The following SNED1 variants were observed in gnomAD, a reference collection of about 807,000 sequenced individuals.
The protein encoded by SNED1 is sushi, nidogen and EGF-like domain-containing protein 1.
Under a neutral mutation model 166.7 loss-of-function variants are expected in SNED1, and 81 were observed. That is an observed-to-expected ratio of 0.49 (90% CI 0.41 to 0.58). SNED1 has a LOEUF of 0.58. SNED1 is among the 20% of genes least tolerant of loss of function. SNED1 has a pLI of 0.00. For missense variants in SNED1, 1,604 were observed against 2,000.2 expected (o/e 0.80, Z 3.78); for synonymous variants, 762 against 822.0 (o/e 0.93, Z 1.25).
Position 241,071,889 on chromosome 2 carries a change from G to A in SNED1, c.3817+11G>A, listed in dbSNP as rs920075317. ...CCACCGTGAGATCACGTGAGTGCCA[G>A]GGCCTCCCCACCCACCTTGGTGGCC... On this transcript the variant is annotated intron_variant, in intron 26 of 31. Coordinates refer to ENST00000310397, the MANE Select transcript of SNED1 (RefSeq NM_001080437.3). 1.9e-6 allele frequency: 3 copies of A among 1,590,572 alleles called. No individual in the cohort carries two copies. In the African/African-American group the frequency reaches 4.0e-5, roughly 21 times the overall value.
chr2:241,033,577 A>G (rs2061252883), intron 2 of SNED1, 158 bp from the exon 3 acceptor site: 6 of 786,862 alleles, frequency 7.6e-6, no homozygotes, highest in Middle Eastern at 3.3e-4. Context: ...TGAGGCCACC[A>G]AGGTCCTGCC....
chr2:241,088,691 A>G (rs974229529), intron 31 of SNED1: 33 of 440,922 alleles, frequency 7.5e-5, no homozygotes, highest in Admixed American at 4.4e-4. Context: ...TGTGGCCAAG[A>G]AACCCCTAGA....
chr2:241,049,753 G>C (rs2061771730), intron 11 of SNED1, 64 bp from the exon 12 acceptor site: 1 of 1,304,708 alleles, frequency 7.7e-7, no homozygotes. Flanking sequence ...GTGCCCGCCA[G>C]CCTCTTGCCG....
At chr2:241,088,195 A>G (rs1363228616) in intron 30 of SNED1, 170 bp from the exon 31 acceptor site, 2 of 606,814 alleles carry the variant, frequency 3.3e-6, no homozygotes, top group Non-Finnish European at 6.0e-6. Flanking sequence ...GGGCGCACAC[A>G]AACTAAAATG....
intron 26 of SNED1, chr2:241,072,115 C>T (rs965411290): frequency 3.6e-5 from 25 of 698,144 alleles, no homozygotes; most frequent in East Asian, 1.9e-4. Flanking sequence ...GGGCTGGAGG[C>T]GCAGGCTGCT....
intron 1 of SNED1, among the ~76,000 whole-genome samples, chr2:241,003,823 G>T (rs1461378039): frequency 6.6e-6 from 1 of 152,264 alleles, no homozygotes; most frequent in Non-Finnish European, 1.5e-5. Flanking sequence ...ACACTTCTGT[G>T]TGTGATGGGC....
rs2062984401 is a variant in SNED1, at chr2:241,075,629, C to T, written c.3916+2265C>T. On this transcript the variant is annotated intron_variant, in intron 27 of 31. Coordinates refer to ENST00000310397, the MANE Select transcript of SNED1 (RefSeq NM_001080437.3). The surrounding 1 kb of genome is among the most constrained non-coding windows in gnomAD (Gnocchi z 4.8). ...GATCCTTTGTCAGGTCTGTGTTCTG[C>T]AGGTATCTTCCTCCAGCCTCTGGCT... 1 of 151,884 alleles carries T rather than the reference C, an allele frequency of 6.6e-6. No individual in the cohort carries two copies. Among genetic ancestry groups the T allele is most frequent in the Admixed American group, 6.6e-5 (1 of 15,252 alleles). The allele number at this position is 151,884 out of a possible 1,614,324, so 9.4% of individuals were successfully genotyped here.
At chr2:241,009,831 T>C (rs1481563931) in intron 1 of SNED1, among the ~76,000 whole-genome samples, 4 of 152,006 alleles carry the variant, frequency 2.6e-5, no homozygotes, top group Non-Finnish European at 4.4e-5. Context: ...CCCATGTGTG[T>C]TTCCCCGGAG....
chr2:241,017,813 G>T (rs549871151), intron 1 of SNED1, among the ~76,000 whole-genome samples: 9 of 152,214 alleles, frequency 5.9e-5, no homozygotes, highest in African/African-American at 1.9e-4. Context: ...AGCCCCGTAG[G>T]TCTAATTTGA....
intron 16 of SNED1, among the ~76,000 whole-genome samples, chr2:241,059,923 G>T (rs1395351731): frequency 6.6e-6 from 1 of 151,966 alleles, no homozygotes; most frequent in African/African-American, 2.4e-5. Context: ...GACAAGAAAA[G>T]GAAATAAAAG....
At chr2:241,085,860 CTTTTTTTTTTTT>C (rs772995766) in intron 29 of SNED1, among the ~76,000 whole-genome samples, 905 of 79,224 alleles carry the variant, frequency 0.011, 22 homozygotes, top group African/African-American at 0.041. Flanking sequence ...TCTGCGGTTT[CTTTTTTTTTTTT>C]TTTTTTTTTT....
rs1301819798 is a variant in SNED1, at chr2:241,070,195, A to G, written c.3583A>G (p.Ile1195Val). Residue 1195 changes from isoleucine to valine, a missense_variant, in exon 24 of 32, where the codon ATC becomes GTC. By Grantham distance (29) the Ile-to-Val change is conservative (BLOSUM62 3). Around this residue, in one of 2 missense-constraint regions of SNED1, gnomAD observed 367 missense variants for 379.4 expected, o/e 0.97. Coordinates refer to ENST00000310397, the MANE Select transcript of SNED1 (RefSeq NM_001080437.3). ...QHSEPAHLYI[I>V]TSPRDGADRR... The stretch of plus-strand genomic sequence containing the variant: ...CAGCGAGCCCGCCCACCTCTACATC[A>G]TCACCTGTGAGTGCCGTGGGCCCTG... 2 of 1,604,456 alleles carry G rather than the reference A, an allele frequency of 1.2e-6. No homozygotes were observed. Among genetic ancestry groups the G allele is most frequent in the Admixed American group, 1.7e-5 (1 of 59,664 alleles).
chr2:241,029,101 A>G (rs1393698469), intron 1 of SNED1, among the ~76,000 whole-genome samples: 4 of 152,188 alleles, frequency 2.6e-5, no homozygotes, highest in African/African-American at 9.6e-5. Flanking sequence ...TTCTAAAAGC[A>G]TGGTTCTGGT....
At chr2:241,086,798 C>G (rs1181100153) in intron 29 of SNED1, among the ~76,000 whole-genome samples, 1 of 152,222 alleles carries the variant, frequency 6.6e-6, no homozygotes, top group Non-Finnish European at 1.5e-5. Flanking sequence ...TAACAAAAGA[C>G]AAAACGCCTT....
At chr2:241,079,874 T>G (rs1351615927) in intron 27 of SNED1, among the ~76,000 whole-genome samples, 1 of 152,210 alleles carries the variant, frequency 6.6e-6, no homozygotes, top group Non-Finnish European at 1.5e-5. Flanking sequence ...TAGTAATACC[T>G]GAATTGTTAT....
At chr2:241,082,425 T>A in intron 29 of SNED1, 61 bp downstream of exon 29, 2 of 1,349,668 alleles carry the variant, frequency 1.5e-6, no homozygotes, top group Non-Finnish European at 2.1e-6. Flanking sequence ...CTCCTCAAAG[T>A]GCTGTCTCAA....
rs1362134752 is a variant in SNED1, at chr2:241,073,447, C to G, written c.3916+83C>G. On this transcript the variant is annotated intron_variant, in intron 27 of 31. Transcript: ENST00000310397. The surrounding 1 kb of genome is among the most constrained non-coding windows in gnomAD (Gnocchi z 6.6). ...AGAGGCTGCAGGCAGGAGGGACCAC[C>G]CACGGTGAGGAATCAGGAGGCACAG... 1.2e-5 allele frequency: 14 copies of G among 1,140,158 alleles called. No individual in the cohort carries two copies. The highest frequency in any genetic ancestry group is 9.9e-5 in the Admixed American group (5 of 50,328). 70.6% of individuals were successfully genotyped at this position (1,140,158 alleles called of 1,614,324 possible).
chr2:241,047,361 C>T (rs1001259160), intron 8 of SNED1, among the ~76,000 whole-genome samples: 1 of 152,066 alleles, frequency 6.6e-6, no homozygotes, highest in African/African-American at 2.4e-5. Flanking sequence ...GAAGCAAAAG[C>T]TGACTGAACT....
intron 29 of SNED1, among the ~76,000 whole-genome samples, chr2:241,083,630 C>T (rs1400983995): frequency 6.6e-6 from 1 of 152,200 alleles, no homozygotes; most frequent in Non-Finnish European, 1.5e-5. Flanking sequence ...GAGTCCGAAT[C>T]CACAGTATCT....
Sources: allele counts gnomAD v4.1 joint callset (sites outside exome capture counted in the v4.1 genomes callset), GRCh38; gene constraint gnomAD v4.1.1; regional missense constraint gnomAD v4.1.1; non-coding constraint Gnocchi (gnomAD v3.1); transcripts MANE v1.5; gene names NCBI Gene and HGNC (gene_info 2026-07-23, HGNC 2026-07-21).